Variants in IPCEF1 observed in about 807,000 individuals in gnomAD.
IPCEF1 encodes the protein interaction protein for cytohesin exchange factors 1, also known as interactor protein for cytohesin exchange factors 1.
A neutral mutation model predicts 50.9 loss-of-function variants in IPCEF1; 31 were observed. That is an observed-to-expected ratio of 0.61 (90% CI 0.46 to 0.82). The LOEUF (loss-of-function observed/expected upper bound fraction) is 0.82, where lower values mean the gene tolerates loss of function less well. IPCEF1 is among the 40% of genes least tolerant of loss of function. The probability of loss-of-function intolerance (pLI) is 0.00; values close to 1 mark genes in which losing one functional copy is unlikely to be tolerated. For missense variants in IPCEF1, 458 were observed against 514.0 expected, an observed-to-expected ratio of 0.89 and a Z score of 1.05; for synonymous variants, 181 against 192.0, an observed-to-expected ratio of 0.94 and a Z score of 0.47.
At position 154,299,691 on chromosome 6, in the gene IPCEF1, C is replaced by T. The variant is rs1782745097; in HGVS notation, c.-61-9935G>A. On this transcript the variant is annotated intron_variant, in intron 1 of 11. Coordinates refer to ENST00000367220, the MANE Select transcript of IPCEF1 (RefSeq NM_001130700.2). The stretch of plus-strand genomic sequence containing the variant: ...ATGGGTTGATAGGTGCAGCAAACCA[C>T]CGTGGCACACATTTACCTATGTAAC... 1.4e-5 allele frequency among the ~76,000 whole-genome samples: 2 copies of T among 140,310 alleles called. 1 individual carries two copies. Among genetic ancestry groups the T allele is most frequent in the African/African-American group, 5.1e-5 (2 of 39,186 alleles). 92.0% of individuals were successfully genotyped at this position (140,310 alleles called of 152,430 possible).
At chr6:154,325,214 GA>G (rs1369491078) in intron 1 of IPCEF1, among the ~76,000 whole-genome samples, 1 of 151,960 alleles carries the variant, frequency 6.6e-6, no homozygotes, top group Non-Finnish European at 1.5e-5. Context: ...GCTATTAAGT[GA>G]AAAAAATCAA....
chr6:154,270,904 A>G (rs1409693939), intron 2 of IPCEF1, among the ~76,000 whole-genome samples: 1 of 152,192 alleles, frequency 6.6e-6, no homozygotes, highest in Non-Finnish European at 1.5e-5. Context: ...TGAGCCCAGG[A>G]GGCTGAGGTT....
intron 3 of IPCEF1, among the ~76,000 whole-genome samples, chr6:154,260,512 C>A (rs956891569): frequency 6.6e-6 from 1 of 150,754 alleles, no homozygotes; most frequent in Admixed American, 6.6e-5. Context: ...TCTCTCTATC[C>A]CCCAGGCTAG....
chr6:154,192,318 C>CTGTGTGTT (rs374502866), intron 10 of IPCEF1, among the ~76,000 whole-genome samples: 12,885 of 147,918 alleles, frequency 0.087, 975 homozygotes, highest in East Asian at 0.4. Flanking sequence ...CACGTGGTTA[C>CTGTGTGTT]TGTGTGTGTG....
At chr6:154,220,476 G>A (rs1384801837) in intron 7 of IPCEF1, among the ~76,000 whole-genome samples, 2 of 152,076 alleles carry the variant, frequency 1.3e-5, no homozygotes, top group Non-Finnish European at 2.9e-5. Context: ...GGCCAACATG[G>A]TGAAACCCAC....
rs1018929461 is a variant in IPCEF1 at position 154,227,521 on chromosome 6, C to T, written c.247-4278G>A. Among the ~76,000 whole-genome samples, 68 of 152,136 alleles carry T rather than the reference C, an allele frequency of 4.5e-4. 1 individual carries two copies. Among genetic ancestry groups the T allele is most frequent in the Non-Finnish European group, 1.0e-4 (7 of 68,038 alleles). ...ATCACTTGAGCCCAAGAGTTCAAGACCAGCCTGGGCAACATGGTGAAATCC... is the reference window on the plus strand; with the variant it reads ...ATCACTTGAGCCCAAGAGTTCAAGATCAGCCTGGGCAACATGGTGAAATCC... On this transcript the variant is annotated intron_variant, in intron 5 of 11. Transcript: ENST00000367220.
At chr6:154,263,313 C>T (rs1461631804) in intron 3 of IPCEF1, among the ~76,000 whole-genome samples, 35 of 146,960 alleles carry the variant, frequency 2.4e-4, no homozygotes, top group Non-Finnish European at 3.1e-4. Context: ...GGCAGGGTCA[C>T]AGGACAATAG....
chr6:154,304,257 A>G (rs577542924), intron 1 of IPCEF1, among the ~76,000 whole-genome samples: 1 of 152,166 alleles, frequency 6.6e-6, no homozygotes, highest in South Asian at 2.1e-4. Flanking sequence ...AATAATAAAT[A>G]AAATATACTT....
intron 1 of IPCEF1, among the ~76,000 whole-genome samples, chr6:154,295,193 A>G (rs575803483): frequency 5.9e-4 from 89 of 151,172 alleles, no homozygotes; most frequent in African/African-American, 2.1e-3. Context: ...GTGAGACACC[A>G]TCTCAAAAAA....
Position 154,158,952 on chromosome 6 carries a change from C to T in IPCEF1, c.*876G>A, listed in dbSNP as rs777722230. The T allele has an allele frequency of 3.3e-4, 50 of 151,972 alleles. No homozygotes were observed. Among genetic ancestry groups the T allele is most frequent in the Non-Finnish European group, 4.7e-4 (32 of 68,012 alleles). The allele number at this position is 151,972 out of a possible 1,614,324, so 9.4% of individuals were successfully genotyped here. A position where few individuals can be genotyped will look rare whatever the true frequency, so the allele number is the denominator to read the frequency against. ...TAAAGATATTAAAACAATTCAGATG[C>T]CAAAGTCGTCTTGTCAATATTGATC... On this transcript the variant is annotated 3_prime_UTR_variant, in exon 12 of 12. Transcript: ENST00000367220.
chr6:154,284,874 C>T (rs1425817271), intron 2 of IPCEF1, among the ~76,000 whole-genome samples: 1 of 152,074 alleles, frequency 6.6e-6, no homozygotes, highest in Non-Finnish European at 1.5e-5. Flanking sequence ...GTGGTGTGCA[C>T]CTGTAGTCCC....
intron 1 of IPCEF1, among the ~76,000 whole-genome samples, chr6:154,292,292 A>T (rs1273985078): frequency 6.6e-6 from 1 of 152,182 alleles, no homozygotes; most frequent in Non-Finnish European, 1.5e-5. Flanking sequence ...CTTTGTATAC[A>T]TTAGGAAAAC....
chr6:154,347,329 G>A (rs2499640), intron 1 of IPCEF1, among the ~76,000 whole-genome samples: 50,686 of 152,122 alleles, frequency 0.33, 9,441 homozygotes, highest in Middle Eastern at 0.45. Context: ...GCTGGGGTTG[G>A]AACCCTGACT....
chr6:154,285,945 TAGTA>T (rs1453850002), intron 2 of IPCEF1, among the ~76,000 whole-genome samples: 1 of 152,064 alleles, frequency 6.6e-6, no homozygotes. Flanking sequence ...AAGTAAAAAA[TAGTA>T]AGAAAAATAT....
At chr6:154,305,899 C>G (rs2128677735) in intron 1 of IPCEF1, among the ~76,000 whole-genome samples, 1 of 152,344 alleles carries the variant, frequency 6.6e-6, no homozygotes, top group Non-Finnish European at 1.5e-5. Context: ...ACCAAGGGCT[C>G]TTGGGCCTTT....
chr6:154,341,257 C>T (rs1783912857), intron 1 of IPCEF1, among the ~76,000 whole-genome samples: 1 of 152,114 alleles, frequency 6.6e-6, no homozygotes, highest in Non-Finnish European at 1.5e-5. Flanking sequence ...ATTTTGGGGG[C>T]TCAAGATATT....
At chr6:154,322,894 TAAATGTAG>T (rs2128688558) in intron 1 of IPCEF1, among the ~76,000 whole-genome samples, 1 of 152,252 alleles carries the variant, frequency 6.6e-6, no homozygotes, top group South Asian at 2.1e-4. Context: ...ACGCAATTTT[TAAATGTAG>T]AAATTGTAAT....
chr6:154,261,752 T>C (rs567457506), intron 3 of IPCEF1, among the ~76,000 whole-genome samples: 1 of 152,294 alleles, frequency 6.6e-6, no homozygotes, highest in African/African-American at 2.4e-5. Context: ...CCACTTACCA[T>C]ACCAGCTTCA....
chr6:154,282,963 T>G (rs1166055602), intron 2 of IPCEF1, among the ~76,000 whole-genome samples: 1 of 152,058 alleles, frequency 6.6e-6, no homozygotes, highest in Non-Finnish European at 1.5e-5. Context: ...AAAAGAAATC[T>G]ATGCTACAAA....
Sources: gnomAD v4.1 joint callset for allele counts (sites outside exome capture counted in the v4.1 genomes callset) on GRCh38, gnomAD v4.1.1 for gene constraint, MANE v1.5 for transcripts, NCBI Gene and HGNC (gene_info 2026-07-23, HGNC 2026-07-21) for gene names.